ARHGAP20: variants seen among roughly 807,000 people sequenced by gnomAD.
ARHGAP20 encodes rho GTPase-activating protein 20.
Under a neutral mutation model 73.7 loss-of-function variants are expected in ARHGAP20, and 34 were observed. The observed-to-expected ratio is 0.46, with a 90% CI of 0.35 to 0.61. The LOEUF (loss-of-function observed/expected upper bound fraction) is 0.61, where lower values mean the gene tolerates loss of function less well. Ranked by LOEUF, ARHGAP20 falls within the 20% of genes least tolerant of loss-of-function variation. The probability of loss-of-function intolerance (pLI) is 0.00; values close to 1 mark genes in which losing one functional copy is unlikely to be tolerated. For synonymous variants in ARHGAP20, 523 were observed against 518.2 expected (o/e 1.01, Z -0.13); for missense variants, 1,314 against 1,420.9 (o/e 0.92, Z 1.21).
At chr11:110,597,082 T>C (rs1020258513) in intron 9 of ARHGAP20, among the ~76,000 whole-genome samples, 8 of 136,668 alleles carry the variant, frequency 5.9e-5, no homozygotes, top group African/African-American at 2.0e-4. Context: ...TAGGTGGGAA[T>C]TGAACAATGA....
At chr11:110,615,509 T>C in intron 5 of ARHGAP20, 44 bp downstream of exon 5, 1 of 1,551,264 alleles carries the variant, frequency 6.4e-7, no homozygotes, top group Non-Finnish European at 8.8e-7. Context: ...CTTAATTCAT[T>C]TATTAAAGGT....
intron 2 of ARHGAP20, among the ~76,000 whole-genome samples, chr11:110,679,677 C>T (rs1170922107): frequency 6.6e-6 from 1 of 152,142 alleles, no homozygotes; most frequent in Non-Finnish European, 1.5e-5. Context: ...TTATTCTCCC[C>T]TCCCCTATCA....
intron 2 of ARHGAP20, among the ~76,000 whole-genome samples, chr11:110,659,718 G>A (rs560310627): frequency 6.6e-5 from 10 of 152,086 alleles, no homozygotes; most frequent in Admixed American, 2.0e-4. Flanking sequence ...GGAATACTAC[G>A]CAGCCATAAA....
chr11:110,589,938 T>C (rs760007603), intron 11 of ARHGAP20, among the ~76,000 whole-genome samples: 10 of 152,094 alleles, frequency 6.6e-5, no homozygotes, highest in South Asian at 2.1e-4. Flanking sequence ...TGGGCCAACA[T>C]GGTGAAACCC....
Position 110,580,267 on chromosome 11 carries a change from C to T in ARHGAP20, c.2679G>A (p.Met893Ile). The change falls in exon 15 of 15, where the codon ATG becomes ATA. Residue 893 changes from methionine (M) to isoleucine (I), a missense_variant. Around this residue, in one of 3 missense-constraint regions of ARHGAP20, gnomAD observed 641 missense variants for 636.9 expected, o/e 1.01. Transcript: ENST00000683387. ...TCTGATTAATGAGCTTCTGCCCCTCCATTTGCAAAGACTTATGCCGTTTGA... is the reference window on the plus strand; with the variant it reads ...TCTGATTAATGAGCTTCTGCCCCTCTATTTGCAAAGACTTATGCCGTTTGA... Reference protein sequence around the residue: ...DYLKRHKSLQMEGQKLINQSL... With the variant: ...DYLKRHKSLQIEGQKLINQSL... 6.2e-7 allele frequency: 1 copy of T among 1,614,220 alleles called. No individual in the cohort carries two copies. The highest frequency in any genetic ancestry group is 8.5e-7 in the Non-Finnish European group (1 of 1,180,030).
rs557829340 is a variant in ARHGAP20 at position 110,663,245 on chromosome 11, T to C, written c.188+27302A>G. On this transcript the variant is annotated intron_variant, in intron 2 of 14. Coordinates refer to ENST00000683387, the MANE Select transcript of ARHGAP20 (RefSeq NM_001384657.1). ...AGTAATAAAGAAAATAAATGAACTATAAGCTGGTTCTTTAAGAGTACTCAT... is the reference window on the plus strand; with the variant it reads ...AGTAATAAAGAAAATAAATGAACTACAAGCTGGTTCTTTAAGAGTACTCAT... Among the ~76,000 whole-genome samples the C allele has an allele frequency of 3.0e-4, 45 of 151,314 alleles. No homozygotes were observed. In the South Asian group the frequency reaches 9.1e-3, roughly 31 times the overall value.
intron 2 of ARHGAP20, among the ~76,000 whole-genome samples, chr11:110,658,780 A>ATGGTTTTGTTTTGTT (rs1949530687): frequency 6.6e-6 from 1 of 151,148 alleles, no homozygotes; most frequent in South Asian, 2.1e-4. Flanking sequence ...GTTGTTATTT[A>ATGGTTTTGTTTTGTT]TTGTTTTGTT....
intron 1 of ARHGAP20, among the ~76,000 whole-genome samples, chr11:110,699,962 AC>A (rs1231651326): frequency 1.3e-5 from 2 of 152,030 alleles, no homozygotes; most frequent in Non-Finnish European, 2.9e-5. Context: ...GAAGAAAAAA[AC>A]TTTTGTTGTT....
chr11:110,707,413 GAATTC>G (rs1324439400), intron 1 of ARHGAP20, among the ~76,000 whole-genome samples: 2 of 151,988 alleles, frequency 1.3e-5, no homozygotes, highest in Non-Finnish European at 2.9e-5. Context: ...TTACATTTTA[GAATTC>G]AATTTTTAGG....
chr11:110,600,393 C>T (rs1379678381), intron 9 of ARHGAP20, among the ~76,000 whole-genome samples: 1 of 152,208 alleles, frequency 6.6e-6, no homozygotes, highest in African/African-American at 2.4e-5. Context: ...GGTCTGGCTG[C>T]AGCCTCACAG....
At chr11:110,599,043 G>A (rs554297946) in intron 9 of ARHGAP20, among the ~76,000 whole-genome samples, 1 of 150,870 alleles carries the variant, frequency 6.6e-6, no homozygotes, top group East Asian at 2.0e-4. Flanking sequence ...CTTGTGTGGG[G>A]ACAGGTAGGA....
chr11:110,579,413 A>C lies in ARHGAP20; in HGVS notation c.3533T>G (p.Val1178Gly). 3.7e-6 allele frequency: 6 copies of C among 1,610,238 alleles called. No individual in the cohort carries two copies. Among genetic ancestry groups the C allele is most frequent in the African/African-American group, 1.3e-5 (1 of 74,972 alleles). Residue 1178 changes from valine to glycine, a missense_variant, in exon 15 of 15, where the codon GTG (valine) becomes GGG (glycine). This residue lies in a region of ARHGAP20 where 641 missense variants were observed against 636.9 expected (regional missense o/e 1.01). Coordinates refer to ENST00000683387, the MANE Select transcript of ARHGAP20 (RefSeq NM_001384657.1). ...ATACCTGTCCTCAATGTCGCAGACCACTGTAGGCCCTGAGTCTGGGCTGGT... is the reference window on the plus strand; with the variant it reads ...ATACCTGTCCTCAATGTCGCAGACCCCTGTAGGCCCTGAGTCTGGGCTGGT... ...DATSPDSGPTVVCDIEDRYLT... is the reference protein window; with the variant it reads ...DATSPDSGPTGVCDIEDRYLT...
intron 2 of ARHGAP20, among the ~76,000 whole-genome samples, chr11:110,646,339 A>G (rs1789567413): frequency 6.6e-6 from 1 of 152,148 alleles, no homozygotes; most frequent in African/African-American, 2.4e-5. Context: ...TGGCTTTGAA[A>G]GGAAACTTTT....
At chr11:110,679,282 G>A (rs902775255) in intron 2 of ARHGAP20, among the ~76,000 whole-genome samples, 5 of 152,196 alleles carry the variant, frequency 3.3e-5, no homozygotes, top group African/African-American at 9.6e-5. Context: ...AATCTCGGAA[G>A]TGGCACATCA....
At chr11:110,622,819 G>C (rs773973698) in intron 4 of ARHGAP20, among the ~76,000 whole-genome samples, 6 of 152,080 alleles carry the variant, frequency 3.9e-5, no homozygotes, top group Non-Finnish European at 8.8e-5. Context: ...AATACATCAA[G>C]GAGTACATGT....
At chr11:110,639,439 C>A (rs984253421) in intron 2 of ARHGAP20, among the ~76,000 whole-genome samples, 1 of 151,530 alleles carries the variant, frequency 6.6e-6, no homozygotes, top group Non-Finnish European at 1.5e-5. Flanking sequence ...TAAAATATCC[C>A]ATTGTTACCA....
rs563530753 is a variant in ARHGAP20, at chr11:110,601,319, T to C, written c.964+5242A>G. Among the ~76,000 whole-genome samples the C allele has an allele frequency of 2.0e-5, 3 of 152,372 alleles. No homozygotes were observed. The South Asian group carries it at 6.2e-4, about 32-fold the overall frequency. ...CCAAAAAAGAAGTATTAGCTCATTTTTCCCCATTAAAAGTCAGGTTAATAG... is the reference window on the plus strand; with the variant it reads ...CCAAAAAAGAAGTATTAGCTCATTTCTCCCCATTAAAAGTCAGGTTAATAG... On this transcript the variant is annotated intron_variant, in intron 9 of 14. Coordinates refer to ENST00000683387, the MANE Select transcript of ARHGAP20 (RefSeq NM_001384657.1).
chr11:110,619,738 A>G (rs1948587054), intron 4 of ARHGAP20, among the ~76,000 whole-genome samples: 1 of 151,944 alleles, frequency 6.6e-6, no homozygotes, highest in Admixed American at 6.6e-5. Context: ...GATAGAGTAT[A>G]TGTAGTGATA....
At chr11:110,670,400 T>C (rs1949805267) in intron 2 of ARHGAP20, among the ~76,000 whole-genome samples, 3 of 152,062 alleles carry the variant, frequency 2.0e-5, no homozygotes, top group African/African-American at 7.2e-5. Context: ...AGGAACATTA[T>C]AGCTCCTACA....
Sources: allele counts gnomAD v4.1 joint callset (sites outside exome capture counted in the v4.1 genomes callset), GRCh38; gene constraint gnomAD v4.1.1; regional missense constraint gnomAD v4.1.1; transcripts MANE v1.5; gene names NCBI Gene and HGNC (gene_info 2026-07-23, HGNC 2026-07-21).